The following EMC8 variants were observed in gnomAD, a reference collection of about 807,000 sequenced individuals.
The protein encoded by EMC8 is COX4 neighbor.
EMC8 carries 11 observed loss-of-function variants against 24.3 expected under a neutral mutation model. The observed-to-expected ratio is 0.45, with a 90% confidence interval of 0.28 to 0.75. The LOEUF is 0.75. EMC8 is among the 30% of genes least tolerant of loss of function. The pLI is 0.12. For synonymous variants in EMC8, 145 were observed against 117.7 expected (o/e 1.23, Z -1.50); for missense variants, 277 against 282.7 (o/e 0.98, Z 0.14).
intron 1 of EMC8, among the ~76,000 whole-genome samples, chr16:85,795,899 CG>C (rs1555598391): frequency 1.3e-5 from 2 of 152,132 alleles, no homozygotes; most frequent in Non-Finnish European, 2.9e-5. Flanking sequence ...GAACAGAATG[CG>C]GAGACACCTA....
intron 3 of EMC8, chr16:85,781,005 C>T: frequency 1.8e-6 from 1 of 571,098 alleles, no homozygotes; most frequent in Non-Finnish European, 3.1e-6. Context: ...GACCCCACTC[C>T]CACTTGTGTA....
At position 85,799,186 on chromosome 16, in the gene EMC8, G is replaced by C. The variant is rs1486245613; in HGVS notation, c.110C>G (p.Pro37Arg). The C allele has an allele frequency of 3.1e-6, 5 of 1,613,018 alleles. No individual in the cohort carries two copies. In the South Asian group the frequency reaches 5.5e-5, roughly 18 times the overall value. ...GCCCAGGGGGAGGTGCTCCTTACGC[G>C]GCTTCTGCTTCTCGGCCACCAGGAG... ...NGLLVAEKQK[P>R]RKEHLPLGGP... The change falls in exon 1 of 5, where the codon CCG becomes CGG. Residue 37 changes from proline (P) to arginine (R), a missense_variant. Transcript: ENST00000253457. The surrounding 1 kb of genome is among the most constrained non-coding windows in gnomAD (Gnocchi z 4.2).
At chr16:85,796,032 C>T (rs1009496360) in intron 1 of EMC8, among the ~76,000 whole-genome samples, 9 of 152,164 alleles carry the variant, frequency 5.9e-5, no homozygotes, top group Admixed American at 3.3e-4. Flanking sequence ...CTTTTCCCTA[C>T]GCAGTCCTCA....
chr16:85,798,822 C>G, intron 1 of EMC8: 3 of 463,420 alleles, frequency 6.5e-6, no homozygotes, highest in Non-Finnish European at 7.7e-6. Flanking sequence ...TAACGTATAA[C>G]TCGTCGCCTT....
chr16:85,781,204 G>A lies in EMC8; in HGVS notation c.378+7C>T, dbSNP rs201249448. 397 of 1,611,172 alleles carry A rather than the reference G, an allele frequency of 2.5e-4. 2 individuals carry two copies. The African/African-American group carries it at 4.4e-3, about 18-fold the overall frequency. On this transcript the variant is annotated splice_region_variant and intron_variant, in intron 3 of 4. Transcript: ENST00000253457. ...GGCCTCCCACATGCTGCACAGAAGCGACTTACCATGATGAGCGCAGTGTCG... is the reference window on the plus strand; with the variant it reads ...GGCCTCCCACATGCTGCACAGAAGCAACTTACCATGATGAGCGCAGTGTCG...
At chr16:85,789,198 A>C in intron 1 of EMC8, 148 bp from the exon 2 acceptor site, 1 of 644,730 alleles carries the variant, frequency 1.6e-6, no homozygotes, top group South Asian at 1.8e-5. Context: ...AAAGGGTAGG[A>C]CTCAGGAAAA....
In EMC8 at chr16:85,789,034, T is replaced by G. The variant is rs1262436392; in HGVS notation, c.248A>C (p.Lys83Thr). ...ACCAGCAATCACGTAGCTATGATCTTTGCACCATGAATCAATCTGAAAGAG... is the reference window on the plus strand; with the variant it reads ...ACCAGCAATCACGTAGCTATGATCTGTGCACCATGAATCAATCTGAAAGAG... ...VALTLIDSWC[K>T]DHSYVIAGYY... Residue 83 changes from lysine to threonine, a missense_variant, in exon 2 of 5, where the codon AAA becomes ACA. Transcript: ENST00000253457. The G allele has an allele frequency of 1.2e-6, 2 of 1,613,398 alleles. No homozygotes were observed. Among genetic ancestry groups the G allele is most frequent in the Non-Finnish European group, 1.7e-6 (2 of 1,179,446 alleles).
intron 2 of EMC8, chr16:85,784,592 T>G (rs1904663733): frequency 6.6e-6 from 1 of 151,798 alleles, no homozygotes; most frequent in African/African-American, 2.4e-5. Context: ...CCAATCGTAC[T>G]GAAGAAAGCA....
At chr16:85,780,894 C>T (rs1904460956) in intron 3 of EMC8, 1 of 468,628 alleles carries the variant, frequency 2.1e-6, no homozygotes, top group Non-Finnish European at 3.9e-6. Context: ...TTAACATGGA[C>T]TGCTGGGCTA....
intron 1 of EMC8, among the ~76,000 whole-genome samples, chr16:85,797,408 CA>C (rs1443108691): frequency 6.6e-6 from 1 of 151,772 alleles, no homozygotes; most frequent in Non-Finnish European, 1.5e-5. Flanking sequence ...AACTCCATCT[CA>C]AAAAAACAAA....
At chr16:85,785,607 A>C (rs767025918) in intron 2 of EMC8, among the ~76,000 whole-genome samples, 4 of 152,192 alleles carry the variant, frequency 2.6e-5, no homozygotes, top group Admixed American at 6.5e-5. Flanking sequence ...ATGTGTAGTT[A>C]ATGAACTGTC....
chr16:85,779,678 G>C lies in EMC8; in HGVS notation c.*30C>G, dbSNP rs778519140. 1.2e-6 allele frequency: 2 copies of C among 1,607,322 alleles called. No individual in the cohort carries two copies. The highest frequency in any genetic ancestry group is 8.5e-7 in the Non-Finnish European group (1 of 1,174,038). ...GTTTTCTTCTTCAACGTAGTGGAAA[G>C]GCCCGGAGCCCAGTCACAGCGGTGC... On this transcript the variant is annotated 3_prime_UTR_variant, in exon 5 of 5. Coordinates refer to ENST00000253457, the MANE Select transcript of EMC8 (RefSeq NM_006067.5).
chr16:85,798,976 T>C (rs1905431513), intron 1 of EMC8, 89 bp downstream of exon 1: 1 of 958,490 alleles, frequency 1.0e-6, no homozygotes, highest in Non-Finnish European at 1.5e-6. Flanking sequence ...AGGAGCCTGC[T>C]GGAGGGCGAC....
Position 85,781,268 on chromosome 16 carries a change from A to T in EMC8, c.321T>A (p.Val107=). Residue 107 remains valine, a synonymous_variant, in exon 3 of 5, where the codon GTT becomes GTA. Transcript: ENST00000253457. ...ERVKDASPNQ[V]AEKVASRIAE... is the part of the protein sequence containing the mutation. ...CGATTCTGGAGGCCACCTTCTCTGC[A>T]ACCTGGTTTGGACTGTCAAAGAAAT... is the stretch of plus-strand genomic sequence containing the variant. 1 of 1,585,964 alleles carries T rather than the reference A, an allele frequency of 6.3e-7. No individual in the cohort carries two copies. Among genetic ancestry groups the T allele is most frequent in the Non-Finnish European group, 8.5e-7 (1 of 1,171,264 alleles).
chr16:85,794,719 G>C (rs945747089), intron 1 of EMC8, among the ~76,000 whole-genome samples: 1 of 152,128 alleles, frequency 6.6e-6, no homozygotes, highest in Non-Finnish European at 1.5e-5. Flanking sequence ...CTATTGCCTG[G>C]CAAAACTTGC....
chr16:85,782,987 C>T (rs546313932), intron 2 of EMC8, among the ~76,000 whole-genome samples: 4 of 152,294 alleles, frequency 2.6e-5, no homozygotes, highest in African/African-American at 4.8e-5. Context: ...TACGGTCACT[C>T]GCTCGCTCTC....
intron 2 of EMC8, among the ~76,000 whole-genome samples, chr16:85,783,900 G>T (rs1380132403): frequency 6.6e-6 from 1 of 152,192 alleles, no homozygotes; most frequent in Non-Finnish European, 1.5e-5. Flanking sequence ...CTCTAACACA[G>T]AGTCCATGGC....
At chr16:85,782,823 T>C (rs1269928932) in intron 2 of EMC8, among the ~76,000 whole-genome samples, 1 of 152,190 alleles carries the variant, frequency 6.6e-6, no homozygotes. Flanking sequence ...CTCTCCGACC[T>C]GAGGCCACCT....
intron 2 of EMC8, among the ~76,000 whole-genome samples, chr16:85,788,107 GA>G (rs1343057060): frequency 2.0e-5 from 3 of 152,194 alleles, no homozygotes; most frequent in Non-Finnish European, 2.9e-5. Context: ...ATACGGCGTG[GA>G]CTTTCCAGCT....
Sources: allele counts gnomAD v4.1 joint callset (sites outside exome capture counted in the v4.1 genomes callset), GRCh38; gene constraint gnomAD v4.1.1; non-coding constraint Gnocchi (gnomAD v3.1); transcripts MANE v1.5; gene names NCBI Gene and HGNC (gene_info 2026-07-23, HGNC 2026-07-21).